The following CD5 variants were observed in gnomAD, a reference collection of about 807,000 sequenced individuals.
The protein encoded by CD5 is CD5 molecule.
CD5 carries 36 observed loss-of-function variants against 60.3 expected under a neutral mutation model. The observed-to-expected ratio is 0.60, with a 90% CI of 0.46 to 0.79. CD5 has a LOEUF of 0.79. Among genes scored for constraint, CD5 ranks in the 30% least tolerant of loss-of-function variants. The pLI is 0.00. For synonymous variants in CD5, 230 were observed against 257.6 expected (o/e 0.89, Z 1.03); for missense variants, 540 against 630.6 (o/e 0.86, Z 1.54).
At chr11:61,122,273 T>C (rs892104286) in intron 6 of CD5, among the ~76,000 whole-genome samples, 3 of 133,346 alleles carry the variant, frequency 2.2e-5, no homozygotes, top group African/African-American at 8.7e-5. Flanking sequence ...AATGGATGGA[T>C]GGATGGATGG....
chr11:61,118,828 G>A lies in CD5; in HGVS notation c.401-87G>A. ...GGTGTGCCAAGCGGCACTCATGCCA[G>A]GAGCTCCTGGTCCTCTCAAGGCTGC... On this transcript the variant is annotated intron_variant, in intron 3 of 10. Coordinates refer to ENST00000347785, the MANE Select transcript of CD5 (RefSeq NM_014207.4). This position sits in a 1 kb window ranked among gnomAD's most constrained non-coding sequence, Gnocchi z 4.7. 1 of 909,196 alleles carries A rather than the reference G, an allele frequency of 1.1e-6. No homozygotes were observed. The highest frequency in any genetic ancestry group is 2.5e-5 in the East Asian group (1 of 39,688). The allele number at this position is 909,196 out of a possible 1,614,324, so 56.3% of individuals were successfully genotyped here.
chr11:61,117,613 C>T (rs1860985110), intron 2 of CD5, among the ~76,000 whole-genome samples: 3 of 152,170 alleles, frequency 2.0e-5, no homozygotes, highest in African/African-American at 4.8e-5. Context: ...CTCAGCCTCC[C>T]GAGTAGCTAG....
At chr11:61,112,641 T>C (rs1210351684) in intron 1 of CD5, among the ~76,000 whole-genome samples, 4 of 120,568 alleles carry the variant, frequency 3.3e-5, no homozygotes, top group South Asian at 7.6e-4. Flanking sequence ...AAGACTCTGT[T>C]TCAAAAAAAA....
chr11:61,101,722 C>A (rs1860692416), upstream of CD5, among the ~76,000 whole-genome samples: 1 of 150,482 alleles, frequency 6.6e-6, no homozygotes, highest in Admixed American at 6.6e-5. Flanking sequence ...ACACACAACA[C>A]AGAAATCACA....
intron 10 of CD5, among the ~76,000 whole-genome samples, 161 bp from the exon 11 acceptor site, chr11:61,126,127 C>T (rs1047308132): frequency 2.6e-5 from 4 of 152,232 alleles, no homozygotes; most frequent in Admixed American, 1.3e-4. Context: ...GATGGAGTCA[C>T]ACCCCTCTAG....
Position 61,122,944 on chromosome 11 carries a change from G to T in CD5, c.1137G>T (p.Thr379=), listed in dbSNP as rs559340518. ...ACCCCGCAGGCCTGGCCGCAGGCAC[G>T]GTGGCAAGCATCATCCTGGCCCTGG... ...DPNPAGLAAG[T]VASIILALVL... The change falls in exon 7 of 11, where the codon ACG becomes ACT. Residue 379 remains threonine (T), a synonymous_variant. Coordinates refer to ENST00000347785, the MANE Select transcript of CD5 (RefSeq NM_014207.4). 4 of 1,614,048 alleles carry T rather than the reference G, an allele frequency of 2.5e-6. No individual in the cohort carries two copies. The highest frequency in any genetic ancestry group is 2.5e-6 in the Non-Finnish European group (3 of 1,179,912).
At chr11:61,125,525 G>A (rs951453585) in intron 9 of CD5, among the ~76,000 whole-genome samples, 9 of 152,288 alleles carry the variant, frequency 5.9e-5, no homozygotes, top group African/African-American at 1.9e-4. Context: ...CTGCAGGAGC[G>A]CTGTACTAAA....
rs1290413958 is a variant in CD5, at chr11:61,125,825, G to A, written c.1474G>A (p.Ala492Thr). ...SSDSDYDLHG[A>T]QRL ...CGACAGTGACTATGATCTGCATGGG[G>A]CTCAGAGGCTGTAAAGGTGAGCCCG... The change falls in exon 10 of 11, where the codon GCT becomes ACT. Residue 492 changes from alanine to threonine, a missense_variant. Physicochemically the swap from Ala to Thr is moderately conservative, Grantham distance 58. Transcript: ENST00000347785. The A allele has an allele frequency of 1.2e-6, 2 of 1,609,740 alleles. No homozygotes were observed. The highest frequency in any genetic ancestry group is 1.7e-6 in the Non-Finnish European group (2 of 1,177,402).
chr11:61,101,224 T>C (rs1219864504), upstream of CD5, among the ~76,000 whole-genome samples: 2 of 65,038 alleles, frequency 3.1e-5, no homozygotes, highest in Admixed American at 2.0e-4. Flanking sequence ...CACACACACA[T>C]CAACATGGAG....
intron 1 of CD5, among the ~76,000 whole-genome samples, chr11:61,107,710 T>C (rs1438017608): frequency 6.6e-6 from 1 of 152,196 alleles, no homozygotes; most frequent in African/African-American, 2.4e-5. Context: ...ACTATCACCG[T>C]GACCAGCATC....
At chr11:61,105,853 G>A (rs1860769466) in intron 1 of CD5, among the ~76,000 whole-genome samples, 1 of 152,188 alleles carries the variant, frequency 6.6e-6, no homozygotes, top group African/African-American at 2.4e-5. Flanking sequence ...GACCGGGCAT[G>A]GTGGCTCATG....
upstream of CD5, among the ~76,000 whole-genome samples, chr11:61,099,853 G>T (rs375045138): frequency 1.4e-5 from 2 of 144,612 alleles, no homozygotes; most frequent in Admixed American, 7.0e-5. Context: ...ACAGCACAGA[G>T]ATCACACATG....
the CD5 span, among the ~76,000 whole-genome samples, chr11:61,096,123 C>T: frequency 6.6e-6 from 1 of 152,208 alleles, no homozygotes. Flanking sequence ...TATGGGAATT[C>T]CCCCGAAAGG....
upstream of CD5, among the ~76,000 whole-genome samples, chr11:61,100,263 TCACA>T (rs1199822713): frequency 7.8e-5 from 7 of 89,828 alleles, no homozygotes. Context: ...AACATGGAGA[TCACA>T]CACACATCAA....
At chr11:61,124,601 TC>T (rs1194415291) in intron 8 of CD5, among the ~76,000 whole-genome samples, 1 of 151,930 alleles carries the variant, frequency 6.6e-6, no homozygotes, top group Non-Finnish European at 1.5e-5. Context: ...TCTGCCTTCT[TC>T]CCCCTTCCCA....
At chr11:61,114,180 T>C (rs1434541955) in intron 1 of CD5, among the ~76,000 whole-genome samples, 1 of 152,066 alleles carries the variant, frequency 6.6e-6, no homozygotes, top group African/African-American at 2.4e-5. Context: ...GGCATAATCA[T>C]AGCTCACTGC....
chr11:61,096,725 A>T, the CD5 span, among the ~76,000 whole-genome samples: 1 of 152,224 alleles, frequency 6.6e-6, no homozygotes, highest in East Asian at 1.9e-4. Flanking sequence ...AAGAAGAATG[A>T]AGACTTTTTC....
chr11:61,114,655 A>G (rs1860910864), intron 1 of CD5, among the ~76,000 whole-genome samples: 1 of 152,000 alleles, frequency 6.6e-6, no homozygotes, highest in South Asian at 2.1e-4. Context: ...AAGTAATAAT[A>G]ATAATAATTG....
At chr11:61,112,409 T>C (rs1860869143) in intron 1 of CD5, among the ~76,000 whole-genome samples, 1 of 152,118 alleles carries the variant, frequency 6.6e-6, no homozygotes, top group Admixed American at 6.5e-5. Flanking sequence ...TTTGGGAGGC[T>C]GAGGGGGGTG....
Sources: allele counts gnomAD v4.1 joint callset (sites outside exome capture counted in the v4.1 genomes callset), GRCh38; gene constraint gnomAD v4.1.1; non-coding constraint Gnocchi (gnomAD v3.1); transcripts MANE v1.5; gene names NCBI Gene and HGNC (gene_info 2026-07-23, HGNC 2026-07-21).